The following WLS variants were observed in gnomAD, a reference collection of about 807,000 sequenced individuals.
The protein encoded by WLS is protein wntless homolog.
WLS carries 23 observed loss-of-function variants against 62.8 expected under a neutral mutation model. That is an observed-to-expected ratio of 0.37 (90% CI 0.26 to 0.52). The LOEUF (loss-of-function observed/expected upper bound fraction) is 0.52, where lower values mean the gene tolerates loss of function less well. Among genes scored for constraint, WLS ranks in the 20% least tolerant of loss-of-function variants. The pLI is 0.92. For missense variants in WLS, 615 were observed against 697.3 expected, an observed-to-expected ratio of 0.88 and a Z score of 1.33; for synonymous variants, 246 against 244.1, an observed-to-expected ratio of 1.01 and a Z score of -0.07.
chr1:68,106,653 A>G (rs537211528), intron 11 of WLS, among the ~76,000 whole-genome samples: 74 of 152,236 alleles, frequency 4.9e-4, no homozygotes, highest in African/African-American at 1.7e-3. Context: ...TCATGCATAG[A>G]CAGACTGCTT....
At chr1:68,130,824 A>G (rs951586425) in intron 11 of WLS, among the ~76,000 whole-genome samples, 1 of 151,992 alleles carries the variant, frequency 6.6e-6, no homozygotes, top group Non-Finnish European at 1.5e-5. Context: ...CAGCCTGGGC[A>G]ACATAGAAAG....
At chr1:68,194,252 T>C in intron 1 of WLS, 25 bp from the exon 2 acceptor site, 1 of 1,609,722 alleles carries the variant, frequency 6.2e-7, no homozygotes, top group South Asian at 1.1e-5. Context: ...TTTGTCTGTT[T>C]TAGAAAAGCC....
intron 2 of WLS, among the ~76,000 whole-genome samples, chr1:68,181,900 C>A (rs1029076040): frequency 6.6e-6 from 1 of 152,174 alleles, no homozygotes; most frequent in African/African-American, 2.4e-5. Flanking sequence ...GTTCTCTTAG[C>A]CCTTACACTC....
At chr1:68,194,500 C>A (rs138287574) in intron 1 of WLS, among the ~76,000 whole-genome samples, 1 of 152,182 alleles carries the variant, frequency 6.6e-6, no homozygotes, top group African/African-American at 2.4e-5. Flanking sequence ...TTCCCCACTT[C>A]AAAACAATGT....
At chr1:68,216,030 G>A (rs948466988) in intron 1 of WLS, among the ~76,000 whole-genome samples, 1 of 152,172 alleles carries the variant, frequency 6.6e-6, no homozygotes, top group Non-Finnish European at 1.5e-5. Context: ...CTGTTCATGG[G>A]AATGGCTTGC....
At chr1:68,144,508 G>C in intron 10 of WLS, 61 bp downstream of exon 10, 1 of 1,496,310 alleles carries the variant, frequency 6.7e-7, no homozygotes, top group South Asian at 1.2e-5. Context: ...TTGAATTTCT[G>C]TGCAGGGTAG....
At chr1:68,137,690 G>T in intron 11 of WLS, 90 bp downstream of exon 11, 1 of 1,418,246 alleles carries the variant, frequency 7.1e-7, no homozygotes, top group South Asian at 1.5e-5. Flanking sequence ...AAGTTTCACT[G>T]GGCATCTCAG....
At chr1:68,197,945 G>A (rs1648767522) in intron 1 of WLS, among the ~76,000 whole-genome samples, 1 of 152,156 alleles carries the variant, frequency 6.6e-6, no homozygotes, top group Admixed American at 6.5e-5. Context: ...TCACTTGCGT[G>A]GTTCTAGGGA....
chr1:68,118,735 C>T (rs578154285), intron 11 of WLS, among the ~76,000 whole-genome samples: 6 of 151,696 alleles, frequency 4.0e-5, no homozygotes, highest in Admixed American at 1.3e-4. Context: ...ATTAGCTGGG[C>T]GTGGTGGCAG....
intron 11 of WLS, among the ~76,000 whole-genome samples, chr1:68,100,420 G>A (rs1401468590): frequency 2.6e-5 from 4 of 151,812 alleles, no homozygotes; most frequent in African/African-American, 9.7e-5. Context: ...TCTTCCTAAA[G>A]GACAGAGAGC....
chr1:68,135,342 G>C (rs868783618), intron 11 of WLS, among the ~76,000 whole-genome samples: 1 of 130,960 alleles, frequency 7.6e-6, no homozygotes, highest in South Asian at 2.5e-4. Context: ...TAGAGATGGG[G>C]TTTCACTATG....
intron 4 of WLS, 39 bp from the exon 5 acceptor site, chr1:68,153,692 A>C: frequency 6.2e-7 from 1 of 1,612,454 alleles, no homozygotes; most frequent in Non-Finnish European, 8.5e-7. Context: ...GGTGAATATT[A>C]TCTTAGCATT....
intron 1 of WLS, among the ~76,000 whole-genome samples, chr1:68,230,587 G>GCA (rs927008831): frequency 7.0e-6 from 1 of 142,854 alleles, no homozygotes; most frequent in Non-Finnish European, 1.5e-5. Context: ...GTGTGTGCGC[G>GCA]CGTGTGTGTG....
chr1:68,208,811 G>A (rs1335025520), intron 1 of WLS, among the ~76,000 whole-genome samples: 4 of 152,200 alleles, frequency 2.6e-5, no homozygotes, highest in African/African-American at 9.7e-5. Flanking sequence ...TGAAAGGATT[G>A]ATGTCTTAGA....
At chr1:68,161,669 T>G in intron 2 of WLS, 1 of 996,896 alleles carries the variant, frequency 1.0e-6, no homozygotes, top group Non-Finnish European at 1.5e-6. Context: ...ACAAAGACCA[T>G]CATATTCTTT....
chr1:68,140,569 A>T (rs1038434299), intron 10 of WLS, among the ~76,000 whole-genome samples: 7 of 152,246 alleles, frequency 4.6e-5, no homozygotes, highest in Non-Finnish European at 8.8e-5. Flanking sequence ...TGAGAGGCAC[A>T]CACCAAGCCT....
chr1:68,178,143 A>G (rs1023909610), intron 2 of WLS, among the ~76,000 whole-genome samples: 1 of 152,210 alleles, frequency 6.6e-6, no homozygotes, highest in African/African-American at 2.4e-5. Flanking sequence ...ATTGTAAGTG[A>G]TCACAGATTC....
At chr1:68,162,689 G>T (rs11803411) in intron 2 of WLS, 1 of 1,224,548 alleles carries the variant, frequency 8.2e-7, no homozygotes, top group Non-Finnish European at 1.2e-6. Flanking sequence ...GTAGAGTCCG[G>T]TGTCTCTTCC....
At chr1:68,185,512 C>T (rs1647880950) in intron 2 of WLS, among the ~76,000 whole-genome samples, 1 of 152,130 alleles carries the variant, frequency 6.6e-6, no homozygotes, top group Non-Finnish European at 1.5e-5. Context: ...AGCCTGAGTT[C>T]TGCCTCCTGT....
Sources: allele counts gnomAD v4.1 joint callset (sites outside exome capture counted in the v4.1 genomes callset), GRCh38; gene constraint gnomAD v4.1.1; transcripts MANE v1.5; gene names NCBI Gene and HGNC (gene_info 2026-07-23, HGNC 2026-07-21).